TUBGCP4: variants seen among roughly 807,000 people sequenced by gnomAD.
The protein encoded by TUBGCP4 is tubulin gamma complex component 4.
TUBGCP4 carries 54 observed loss-of-function variants against 91.6 expected under a neutral mutation model. The ratio of observed to expected loss-of-function variants is 0.59; its 90% CI spans 0.47 to 0.74. The LOEUF (loss-of-function observed/expected upper bound fraction) is 0.74. Ranked by LOEUF, TUBGCP4 falls within the 30% of genes least tolerant of loss-of-function variation. TUBGCP4 has a pLI of 0.00. For synonymous variants in TUBGCP4, 297 were observed against 302.8 expected, an observed-to-expected ratio of 0.98 and a Z score of 0.20; for missense variants, 593 against 800.9, an observed-to-expected ratio of 0.74 and a Z score of 3.13.
rs1275676236 is a variant in TUBGCP4 at position 43,371,479 on chromosome 15, G to C, written c.78+47G>C. On this transcript the variant is annotated intron_variant, in intron 1 of 17. Transcript: ENST00000564079. ...GGGAACCAGGGAGCGCAGGAGGGGG[G>C]ACCTGAGCCAGCGCCTGGGGGAGTA... 8 of 1,595,682 alleles carry C rather than the reference G, an allele frequency of 5.0e-6. No individual in the cohort carries two copies. In the East Asian group the frequency reaches 1.3e-4, roughly 27 times the overall value.
At position 43,396,735 on chromosome 15, in the gene TUBGCP4, TCTC is replaced by T. The variant is rs2044587048; in HGVS notation, c.1172-478_1172-476del. Among the ~76,000 whole-genome samples, 5 of 152,270 alleles carry T rather than the reference TCTC, an allele frequency of 3.3e-5. No individual in the cohort carries two copies. In the South Asian group the frequency reaches 1.0e-3, roughly 32 times the overall value. Reference sequence around the variant, plus strand: ...CTCTTTCCATCTTCTACCTCTTTCTTCTCAGACAGGCCTGCTCTGTATGGTAGC... The same window carrying T: ...CTCTTTCCATCTTCTACCTCTTTCTTAGACAGGCCTGCTCTGTATGGTAGC... On this transcript the variant is annotated intron_variant, in intron 11 of 17. Transcript: ENST00000564079.
Position 43,376,535 on chromosome 15 carries a change from G to T in TUBGCP4, c.240G>T (p.Gly80=). ...ATCCATCTCAACAGGGCCAAGGTGGGTTACATGGAATCTACCTGCGGGCCT... is the reference window on the plus strand; with the variant it reads ...ATCCATCTCAACAGGGCCAAGGTGGTTTACATGGAATCTACCTGCGGGCCT... ...DHHPSQQGQG[G]LHGIYLRAFC... Residue 80 remains glycine (G), a synonymous_variant, in exon 3 of 18, where the codon GGG becomes GGT. Transcript: ENST00000564079. 1.2e-6 allele frequency: 2 copies of T among 1,614,174 alleles called. No individual in the cohort carries two copies. Among genetic ancestry groups the T allele is most frequent in the Non-Finnish European group, 1.7e-6 (2 of 1,180,032 alleles).
At position 43,377,482 on chromosome 15, in the gene TUBGCP4, T is replaced by A. The variant is rs2044222659; in HGVS notation, c.385-365T>A. 5 of 296,930 alleles carry A rather than the reference T, an allele frequency of 1.7e-5. No individual in the cohort carries two copies. The South Asian group carries it at 2.2e-4, about 13-fold the overall frequency. The allele number at this position is 296,930 out of a possible 1,614,324, so 18.4% of individuals were successfully genotyped here. On this transcript the variant is annotated intron_variant, in intron 4 of 17. Coordinates refer to ENST00000564079, the MANE Select transcript of TUBGCP4 (RefSeq NM_014444.5). ...TACTAAACATACAAAAATTAGTCGGTTGTGGTGGCGTGCACCTGTAGTCCC... is the reference window on the plus strand; with the variant it reads ...TACTAAACATACAAAAATTAGTCGGATGTGGTGGCGTGCACCTGTAGTCCC...
intron 9 of TUBGCP4, 115 bp from the exon 10 acceptor site, chr15:43,394,992 T>C: frequency 1.8e-6 from 2 of 1,100,316 alleles, no homozygotes. Context: ...AATTTTTCTA[T>C]GTGGGGCAAG....
rs142346565 is a variant in TUBGCP4, at chr15:43,377,240, A to G, written c.384+173A>G. Reference sequence around the variant, plus strand: ...CAAAACTGTTTAAAGATTTCCAAATATAGTTAAAACTTAATGTCTGATATT... The same window carrying G: ...CAAAACTGTTTAAAGATTTCCAAATGTAGTTAAAACTTAATGTCTGATATT... On this transcript the variant is annotated intron_variant, in intron 4 of 17. Transcript: ENST00000564079. Among the ~76,000 whole-genome samples, 740 of 152,360 alleles carry G rather than the reference A, an allele frequency of 4.9e-3. 5 individuals carry two copies. Among genetic ancestry groups the G allele is most frequent in the South Asian group, 0.013 (63 of 4,832 alleles).
In TUBGCP4 at chr15:43,408,249, G is replaced by A; in HGVS notation, c.*3035G>A. ...TCCCAGCACTTTGGGAGGCTGTCGTGGTTGGATCTCTTGGGCCTGGGAGTT... is the reference window on the plus strand; with the variant it reads ...TCCCAGCACTTTGGGAGGCTGTCGTAGTTGGATCTCTTGGGCCTGGGAGTT... On this transcript the variant is annotated 3_prime_UTR_variant, in exon 18 of 18. Coordinates refer to ENST00000564079, the MANE Select transcript of TUBGCP4 (RefSeq NM_014444.5). 1.4e-6 allele frequency: 1 copy of A among 726,646 alleles called. No individual in the cohort carries two copies. The highest frequency in any genetic ancestry group is 2.2e-6 in the Non-Finnish European group (1 of 459,860). The allele number at this position is 726,646 out of a possible 1,614,324, so 45.0% of individuals were successfully genotyped here.
rs2044314224 is a variant in TUBGCP4, at chr15:43,383,506, T to A, written c.723+2T>A. ...CAACTGAGAGAACTGCAGGACTTGG[T>A]GAGAGCCCAAAAAGTAGCCTAGCAC... On this transcript the variant is annotated splice_donor_variant, in intron 7 of 17. Coordinates refer to ENST00000564079, the MANE Select transcript of TUBGCP4 (RefSeq NM_014444.5). LOFTEE classifies it high-confidence loss of function. The A allele has an allele frequency of 6.3e-7, 1 of 1,593,736 alleles. No homozygotes were observed. Among genetic ancestry groups the A allele is most frequent in the Admixed American group, 1.8e-5 (1 of 56,880 alleles).
intron 9 of TUBGCP4, among the ~76,000 whole-genome samples, chr15:43,388,343 ACTC>A (rs1375911166): frequency 6.6e-6 from 1 of 151,936 alleles, no homozygotes; most frequent in Non-Finnish European, 1.5e-5. Flanking sequence ...TGTCTCAAAA[ACTC>A]CTGGTCATCA....
In TUBGCP4 at chr15:43,385,881, G is replaced by T; in HGVS notation, c.814G>T (p.Val272Phe). 2 of 1,614,048 alleles carry T rather than the reference G, an allele frequency of 1.2e-6. No individual in the cohort carries two copies. The highest frequency in any genetic ancestry group is 1.7e-6 in the Non-Finnish European group (2 of 1,180,020). Reference protein sequence around the residue: ...EILPSYIPVRVAEKILFVGES... With the variant: ...EILPSYIPVRFAEKILFVGES... ...TTTGCCATCCTACATTCCAGTGAGGGTTGCTGAAAAAATCCTATTTGTTGG... is the reference window on the plus strand; with the variant it reads ...TTTGCCATCCTACATTCCAGTGAGGTTTGCTGAAAAAATCCTATTTGTTGG... The change falls in exon 8 of 18, where the codon GTT (valine) becomes TTT (phenylalanine). Residue 272 changes from valine to phenylalanine, a missense_variant. Physicochemically the swap from Val to Phe is conservative, Grantham distance 50. Coordinates refer to ENST00000564079, the MANE Select transcript of TUBGCP4 (RefSeq NM_014444.5).
At chr15:43,390,689 A>G (rs2044451935) in intron 9 of TUBGCP4, among the ~76,000 whole-genome samples, 1 of 151,754 alleles carries the variant, frequency 6.6e-6, no homozygotes, top group Admixed American at 6.6e-5. Flanking sequence ...TTGTATTTTT[A>G]GTACAGATGG....
rs75783717 is a variant in TUBGCP4, at chr15:43,385,460, T to G, written c.724-331T>G. 1.8e-4 allele frequency: 85 copies of G among 461,114 alleles called. 1 individual carries two copies. Among genetic ancestry groups the G allele is most frequent in the South Asian group, 6.4e-4 (40 of 62,856 alleles). The allele number at this position is 461,114 out of a possible 1,614,324, so 28.6% of individuals were successfully genotyped here. ...CTGAGGAGCACCAGCAGAGAAGACATAGAGAGAAGACCTGGAAAACAAAAA... is the reference window on the plus strand; with the variant it reads ...CTGAGGAGCACCAGCAGAGAAGACAGAGAGAGAAGACCTGGAAAACAAAAA... On this transcript the variant is annotated intron_variant, in intron 7 of 17. Transcript: ENST00000564079.
chr15:43,397,402 A>G, intron 12 of TUBGCP4, 81 bp downstream of exon 12: 2 of 1,026,510 alleles, frequency 1.9e-6, no homozygotes, highest in South Asian at 1.3e-5. Flanking sequence ...CCCCCGCCAC[A>G]GAAACCATAT....
rs35926237 is a variant in TUBGCP4 at position 43,385,302 on chromosome 15, C to A, written c.724-489C>A. On this transcript the variant is annotated intron_variant, in intron 7 of 17. Transcript: ENST00000564079. Reference sequence around the variant, plus strand: ...TGTCTGTACATTTGTCTGGAAGATCCATAGCTTTTATGATTGCAGAGAGGT... The same window carrying A: ...TGTCTGTACATTTGTCTGGAAGATCAATAGCTTTTATGATTGCAGAGAGGT... The A allele has an allele frequency of 7.4e-3, 3,380 of 454,298 alleles. 27 individuals are homozygous for A. Among genetic ancestry groups the A allele is most frequent in the Non-Finnish European group, 0.011 (2,409 of 226,238 alleles). The allele number at this position is 454,298 out of a possible 1,614,324, so 28.1% of individuals were successfully genotyped here. A position where few individuals can be genotyped will look rare whatever the true frequency, so the allele number is the denominator to read the frequency against.
At chr15:43,397,055 AAGAAG>A (rs1481067673) in intron 11 of TUBGCP4, among the ~76,000 whole-genome samples, 154 bp from the exon 12 acceptor site, 1 of 152,192 alleles carries the variant, frequency 6.6e-6, no homozygotes, top group Non-Finnish European at 1.5e-5. Context: ...GTTTGTCAGC[AAGAAG>A]AGAAGGATGG....
chr15:43,408,941 C>T lies in TUBGCP4; in HGVS notation c.*3727C>T, dbSNP rs151152248. On this transcript the variant is annotated 3_prime_UTR_variant, in exon 18 of 18. Coordinates refer to ENST00000564079, the MANE Select transcript of TUBGCP4 (RefSeq NM_014444.5). ...CCTCAAGGCTGTACCCAGCTGGCAA[C>T]AGATAATTACGGTAGTTCTGGAGCT... 4 of 1,614,218 alleles carry T rather than the reference C, an allele frequency of 2.5e-6. No individual in the cohort carries two copies. The African/African-American group carries it at 4.0e-5, about 16-fold the overall frequency.
chr15:43,404,885 C>T (rs1309705011), intron 17 of TUBGCP4: 5 of 489,988 alleles, frequency 1.0e-5, no homozygotes, highest in Non-Finnish European at 1.8e-5. Flanking sequence ...CCTTGCTGGT[C>T]CCTAGCTTCC....
chr15:43,391,658 C>G (rs1275137472), intron 9 of TUBGCP4: 1 of 152,264 alleles, frequency 6.6e-6, no homozygotes, highest in Non-Finnish European at 1.5e-5. Context: ...TTCCTAGACT[C>G]AAGTGAAACT....
intron 1 of TUBGCP4, among the ~76,000 whole-genome samples, chr15:43,373,099 A>G (rs1353662391): frequency 4.6e-5 from 7 of 152,236 alleles, no homozygotes; most frequent in Non-Finnish European, 8.8e-5. Flanking sequence ...AATGAAAATT[A>G]TTTTATTATA....
intron 13 of TUBGCP4, 113 bp from the exon 14 acceptor site, chr15:43,399,931 C>T: frequency 1.5e-6 from 1 of 647,004 alleles, no homozygotes; most frequent in Non-Finnish European, 2.5e-6. Flanking sequence ...TCACTCTTTC[C>T]TTACTGCCTG....
Sources: gnomAD v4.1 joint callset for allele counts (sites outside exome capture counted in the v4.1 genomes callset) on GRCh38, gnomAD v4.1.1 for gene constraint, MANE v1.5 for transcripts, NCBI Gene and HGNC (gene_info 2026-07-23, HGNC 2026-07-21) for gene names.